The following L3MBTL4 variants were observed in gnomAD, a reference collection of about 807,000 sequenced individuals.
L3MBTL4 encodes the protein lethal(3)malignant brain tumor-like protein 4.
Under a neutral mutation model 84.5 loss-of-function variants are expected in L3MBTL4, and 70 were observed. The observed-to-expected ratio is 0.83, with a 90% CI of 0.68 to 1.01. The LOEUF (loss-of-function observed/expected upper bound fraction) is 1.01. Among genes scored for constraint, L3MBTL4 ranks in the 50% least tolerant of loss-of-function variants. The pLI, the probability that L3MBTL4 is intolerant of heterozygous loss-of-function variation, is 0.00. For synonymous variants in L3MBTL4, 274 were observed against 259.8 expected (o/e 1.05, Z -0.52); for missense variants, 715 against 754.8 (o/e 0.95, Z 0.62).
intron 4 of L3MBTL4, among the ~76,000 whole-genome samples, chr18:6,298,048 G>A (rs1490952489): frequency 1.3e-5 from 2 of 152,172 alleles, no homozygotes; most frequent in Non-Finnish European, 2.9e-5. Flanking sequence ...TAGGAGAAAT[G>A]TCAAAAAGTG....
chr18:5,969,027 G>A (rs965985064), intron 17 of L3MBTL4, among the ~76,000 whole-genome samples: 8 of 152,070 alleles, frequency 5.3e-5, no homozygotes, highest in African/African-American at 1.9e-4. Context: ...ACGTGCCTAG[G>A]ATGCAAGCCT....
At chr18:6,218,259 G>A (rs1324841401) in intron 10 of L3MBTL4, among the ~76,000 whole-genome samples, 1 of 152,190 alleles carries the variant, frequency 6.6e-6, no homozygotes, top group Admixed American at 6.5e-5. Flanking sequence ...TGGGACTACA[G>A]GCACATGATA....
At chr18:6,379,642 C>G (rs780630480) in intron 1 of L3MBTL4, among the ~76,000 whole-genome samples, 1 of 152,076 alleles carries the variant, frequency 6.6e-6, no homozygotes, top group South Asian at 2.1e-4. Flanking sequence ...TATGTTGAAC[C>G]AGCCTTGCAT....
intron 10 of L3MBTL4, among the ~76,000 whole-genome samples, chr18:6,227,232 T>C (rs959789565): frequency 1.3e-5 from 2 of 152,110 alleles, no homozygotes; most frequent in Admixed American, 6.5e-5. Flanking sequence ...ATGGAAAAAG[T>C]AAACAGAAAA....
At chr18:6,125,937 A>G (rs890349735) in intron 14 of L3MBTL4, among the ~76,000 whole-genome samples, 7 of 152,228 alleles carry the variant, frequency 4.6e-5, no homozygotes, top group Non-Finnish European at 1.0e-4. Context: ...CATAGAATCC[A>G]GACCAAAGAC....
Position 6,032,198 on chromosome 18 carries a change from T to C in L3MBTL4, c.1444+48683A>G, listed in dbSNP as rs757189036. On this transcript the variant is annotated intron_variant, in intron 16 of 18. Transcript: ENST00000317931. ...TTCACTGCGTTGGCCAGGATGGTCT[T>C]GATCTCCTGATCTCGTGATCTGCCT... The C allele has an allele frequency of 3.6e-4, 141 of 391,154 alleles. 2 individuals carry two copies. In the South Asian group the frequency reaches 4.2e-3, roughly 12 times the overall value. 24.2% of individuals were successfully genotyped at this position (391,154 alleles called of 1,614,324 possible). A position where few individuals can be genotyped will look rare whatever the true frequency, so the allele number is the denominator to read the frequency against.
chr18:6,288,426 A>G (rs940872821), intron 4 of L3MBTL4, among the ~76,000 whole-genome samples: 1 of 152,206 alleles, frequency 6.6e-6, no homozygotes, highest in Non-Finnish European at 1.5e-5. Context: ...TTGGTTTTTA[A>G]ACTTTTGGTA....
intron 16 of L3MBTL4, among the ~76,000 whole-genome samples, chr18:6,071,613 G>A (rs1166403776): frequency 6.8e-6 from 1 of 148,090 alleles, no homozygotes; most frequent in Non-Finnish European, 1.5e-5. Flanking sequence ...TCCAGTCTGG[G>A]GTGACAGAGA....
At chr18:6,271,928 G>A (rs1329440552) in intron 4 of L3MBTL4, among the ~76,000 whole-genome samples, 1 of 152,222 alleles carries the variant, frequency 6.6e-6, no homozygotes, top group African/African-American at 2.4e-5. Flanking sequence ...AGAGATTTCA[G>A]CAGAGCGATG....
intron 13 of L3MBTL4, among the ~76,000 whole-genome samples, chr18:6,161,699 A>G (rs2043345287): frequency 6.6e-6 from 1 of 152,282 alleles, no homozygotes; most frequent in African/African-American, 2.4e-5. Context: ...TAACTATTTC[A>G]GGCCCGGCGT....
chr18:6,385,200 G>A (rs186835404), intron 1 of L3MBTL4, among the ~76,000 whole-genome samples: 43 of 152,044 alleles, frequency 2.8e-4, no homozygotes, highest in South Asian at 2.5e-3. Flanking sequence ...TCAGGAGTTC[G>A]AGACCAGCCT....
chr18:6,275,385 G>A (rs934986016), intron 4 of L3MBTL4, among the ~76,000 whole-genome samples: 12 of 152,198 alleles, frequency 7.9e-5, no homozygotes, highest in African/African-American at 2.9e-4. Flanking sequence ...AATTCAGTTA[G>A]CTAGAAAGAC....
At chr18:6,106,106 G>T (rs1348828106) in intron 14 of L3MBTL4, among the ~76,000 whole-genome samples, 1 of 152,178 alleles carries the variant, frequency 6.6e-6, no homozygotes, top group Non-Finnish European at 1.5e-5. Flanking sequence ...GGGTACAGAG[G>T]TTAAAGAAGT....
At chr18:6,211,925 A>G (rs2046124144) in intron 12 of L3MBTL4, among the ~76,000 whole-genome samples, 1 of 152,234 alleles carries the variant, frequency 6.6e-6, no homozygotes, top group Non-Finnish European at 1.5e-5. Context: ...CTGGGATTGC[A>G]GGCGTGAACC....
chr18:5,982,855 T>C (rs913339794), intron 16 of L3MBTL4, among the ~76,000 whole-genome samples: 1 of 152,220 alleles, frequency 6.6e-6, no homozygotes, highest in Admixed American at 6.5e-5. Context: ...AGATGCAGAA[T>C]TTGAAAATGA....
intron 1 of L3MBTL4, among the ~76,000 whole-genome samples, chr18:6,391,267 T>C (rs563803160): frequency 2.6e-5 from 4 of 152,256 alleles, no homozygotes; most frequent in Admixed American, 6.5e-5. Flanking sequence ...AGAAAAAGCA[T>C]TTTATAAAAT....
At chr18:6,358,672 G>A (rs534406766) in intron 1 of L3MBTL4, among the ~76,000 whole-genome samples, 11 of 152,302 alleles carry the variant, frequency 7.2e-5, no homozygotes, top group Admixed American at 6.5e-4. Flanking sequence ...GATCTAACCA[G>A]CACAAGTTTC....
chr18:6,083,201 G>A (rs1202204606), intron 15 of L3MBTL4, among the ~76,000 whole-genome samples: 5 of 152,168 alleles, frequency 3.3e-5, no homozygotes, highest in African/African-American at 9.7e-5. Context: ...TGGAAGGCAC[G>A]GATAAAGGGA....
At chr18:6,038,030 T>C (rs1230049070) in intron 16 of L3MBTL4, among the ~76,000 whole-genome samples, 5 of 152,102 alleles carry the variant, frequency 3.3e-5, no homozygotes, top group Admixed American at 6.5e-5. Context: ...GAATACGTAC[T>C]TTGGAACAGG....
Sources: allele counts gnomAD v4.1 joint callset (sites outside exome capture counted in the v4.1 genomes callset), GRCh38; gene constraint gnomAD v4.1.1; transcripts MANE v1.5; gene names NCBI Gene and HGNC (gene_info 2026-07-23, HGNC 2026-07-21).